GALNTL6: variants seen among roughly 807,000 people sequenced by gnomAD.
The protein encoded by GALNTL6 is polypeptide N-acetylgalactosaminyltransferase like 6, also known as polypeptide N-acetylgalactosaminyltransferase-like 6.
In GALNTL6, 46 loss-of-function variants were observed where a neutral mutation model predicts 73.7. That is an observed-to-expected ratio of 0.62 (90% CI 0.49 to 0.80). The LOEUF is 0.80. Among genes scored for constraint, GALNTL6 ranks in the 30% least tolerant of loss-of-function variants. The probability of loss-of-function intolerance (pLI) is 0.00; values close to 1 mark genes in which losing one functional copy is unlikely to be tolerated. For missense variants in GALNTL6, 604 were observed against 755.0 expected, an observed-to-expected ratio of 0.80 and a Z score of 2.34; for synonymous variants, 259 against 263.7, an observed-to-expected ratio of 0.98 and a Z score of 0.17.
intron 10 of GALNTL6, among the ~76,000 whole-genome samples, chr4:172,959,353 C>A (rs1203897216): frequency 6.6e-6 from 1 of 151,980 alleles, no homozygotes; most frequent in Non-Finnish European, 1.5e-5. Flanking sequence ...AATAAGGGAG[C>A]TGGGCAGGTG....
intron 2 of GALNTL6, among the ~76,000 whole-genome samples, chr4:171,875,015 C>A (rs1736236419): frequency 6.6e-6 from 1 of 152,130 alleles, no homozygotes; most frequent in South Asian, 2.1e-4. Context: ...ACAACAACAA[C>A]AAAAACTATC....
chr4:172,987,273 G>A (rs1751330509), intron 10 of GALNTL6, among the ~76,000 whole-genome samples: 1 of 152,114 alleles, frequency 6.6e-6, no homozygotes, highest in Non-Finnish European at 1.5e-5. Flanking sequence ...TGGTGGAAGG[G>A]AAAGCAAACA....
At chr4:172,149,526 C>A (rs1273735358) in intron 2 of GALNTL6, among the ~76,000 whole-genome samples, 1 of 152,126 alleles carries the variant, frequency 6.6e-6, no homozygotes, top group African/African-American at 2.4e-5. Flanking sequence ...TATGCCATTT[C>A]AAGCTGCTCT....
At chr4:172,168,072 T>G (rs1209922358) in intron 2 of GALNTL6, among the ~76,000 whole-genome samples, 2 of 152,230 alleles carry the variant, frequency 1.3e-5, no homozygotes, top group Non-Finnish European at 2.9e-5. Flanking sequence ...AAATATATTT[T>G]TTTCACATTT....
intron 2 of GALNTL6, among the ~76,000 whole-genome samples, chr4:171,891,930 G>A (rs1306096182): frequency 6.6e-6 from 1 of 152,048 alleles, no homozygotes; most frequent in Non-Finnish European, 1.5e-5. Flanking sequence ...GCTATTACAG[G>A]TTGAGCATCT....
At chr4:172,402,914 A>G (rs1744092837) in intron 5 of GALNTL6, among the ~76,000 whole-genome samples, 1 of 152,090 alleles carries the variant, frequency 6.6e-6, no homozygotes, top group Non-Finnish European at 1.5e-5. Context: ...AGGTCATTAT[A>G]CTTTATATTG....
intron 10 of GALNTL6, among the ~76,000 whole-genome samples, chr4:173,007,695 A>C (rs1724217815): frequency 6.6e-6 from 1 of 152,136 alleles, no homozygotes. Flanking sequence ...AATCCCAGCT[A>C]TTCAGGAGGC....
At chr4:172,780,753 C>G (rs1215215068) in intron 5 of GALNTL6, among the ~76,000 whole-genome samples, 2 of 152,276 alleles carry the variant, frequency 1.3e-5, no homozygotes, top group Non-Finnish European at 1.5e-5. Flanking sequence ...CCCTTAAGAG[C>G]AAAATATTAT....
At chr4:173,033,744 C>A (rs1376522701) in intron 12 of GALNTL6, among the ~76,000 whole-genome samples, 1 of 152,200 alleles carries the variant, frequency 6.6e-6, no homozygotes, top group African/African-American at 2.4e-5. Context: ...TAATTCCAAG[C>A]CTTCATTCCC....
intron 5 of GALNTL6, among the ~76,000 whole-genome samples, chr4:172,639,849 C>G (rs139701560): frequency 1.3e-4 from 20 of 152,154 alleles, no homozygotes; most frequent in African/African-American, 4.3e-4. Context: ...AAAGCTTATC[C>G]TTTTTCATCT....
At chr4:173,022,899 C>A (rs911451261) in intron 12 of GALNTL6, among the ~76,000 whole-genome samples, 13 of 152,108 alleles carry the variant, frequency 8.5e-5, no homozygotes, top group Admixed American at 4.6e-4. Context: ...TTTTCAAATT[C>A]TTTGCTTTTG....
chr4:171,966,982 C>CAA (rs1739402621), intron 2 of GALNTL6, among the ~76,000 whole-genome samples: 1 of 151,950 alleles, frequency 6.6e-6, no homozygotes, highest in African/African-American at 2.4e-5. Flanking sequence ...TAAGATACTC[C>CAA]AAATAGCTCT....
chr4:172,778,856 G>A (rs969547754), intron 5 of GALNTL6, among the ~76,000 whole-genome samples: 10 of 152,142 alleles, frequency 6.6e-5, no homozygotes, highest in African/African-American at 1.9e-4. Flanking sequence ...TCGGAAAGTC[G>A]TATAAGCCTT....
chr4:172,571,880 G>T (rs1236771774), intron 5 of GALNTL6, among the ~76,000 whole-genome samples: 1 of 152,110 alleles, frequency 6.6e-6, no homozygotes, highest in African/African-American at 2.4e-5. Context: ...TCACTCAAAT[G>T]GTTGCAACTC....
chr4:172,462,978 A>G (rs1367061268), intron 5 of GALNTL6, among the ~76,000 whole-genome samples: 1 of 152,216 alleles, frequency 6.6e-6, no homozygotes, highest in Admixed American at 6.5e-5. Context: ...TCATATCCAC[A>G]AAATACAAGG....
Position 172,839,034 on chromosome 4 carries a change from G to A in GALNTL6, c.923+25311G>A, listed in dbSNP as rs1209730183. 2.0e-5 allele frequency among the ~76,000 whole-genome samples: 3 copies of A among 152,296 alleles called. No homozygotes were observed. In the East Asian group the frequency reaches 5.8e-4, roughly 29 times the overall value. On this transcript the variant is annotated intron_variant, in intron 7 of 12. Coordinates refer to ENST00000506823, the MANE Select transcript of GALNTL6 (RefSeq NM_001034845.3). ...AGACCAACTGGCTTTTTAATTTAGAGGTAGTCATTCCAGGTTGTCATAACA... is the reference window on the plus strand; with the variant it reads ...AGACCAACTGGCTTTTTAATTTAGAAGTAGTCATTCCAGGTTGTCATAACA...
chr4:172,584,126 G>A (rs1310804115), intron 5 of GALNTL6, among the ~76,000 whole-genome samples: 2 of 151,094 alleles, frequency 1.3e-5, no homozygotes, highest in Non-Finnish European at 2.9e-5. Context: ...GGACAAATAA[G>A]TAATTGCAAA....
chr4:172,273,301 C>T (rs1272079010), intron 3 of GALNTL6, among the ~76,000 whole-genome samples: 1 of 152,092 alleles, frequency 6.6e-6, no homozygotes, highest in Non-Finnish European at 1.5e-5. Context: ...GTGCATCGTG[C>T]ATTTTCAGTG....
intron 5 of GALNTL6, among the ~76,000 whole-genome samples, chr4:172,609,709 A>G (rs1456303867): frequency 1.3e-5 from 2 of 149,048 alleles, no homozygotes; most frequent in Non-Finnish European, 1.5e-5. Context: ...GCCTCATGGA[A>G]TAAGTTAAGG....
Sources: gnomAD v4.1 joint callset for allele counts (sites outside exome capture counted in the v4.1 genomes callset) on GRCh38, gnomAD v4.1.1 for gene constraint, MANE v1.5 for transcripts, NCBI Gene and HGNC (gene_info 2026-07-23, HGNC 2026-07-21) for gene names.